The following TAF4B variants were observed in gnomAD, a reference collection of about 807,000 sequenced individuals.
TAF4B encodes transcription initiation factor TFIID subunit 4B.
TAF4B carries 38 observed loss-of-function variants against 86.4 expected under a neutral mutation model. The observed-to-expected ratio is 0.44, with a 90% confidence interval of 0.34 to 0.58. The LOEUF is 0.58. Among genes scored for constraint, TAF4B ranks in the 20% least tolerant of loss-of-function variants. The probability of loss-of-function intolerance (pLI) is 0.02; values close to 1 mark genes in which losing one functional copy is unlikely to be tolerated. For synonymous variants in TAF4B, 388 were observed against 391.2 expected (o/e 0.99, Z 0.10); for missense variants, 988 against 1,027.6 (o/e 0.96, Z 0.53).
intron 13 of TAF4B, among the ~76,000 whole-genome samples, chr18:26,346,883 A>G (rs71368655): frequency 0.064 from 495 of 7,720 alleles, 65 homozygotes; most frequent in East Asian, 0.17. Flanking sequence ...ATGTGTATAT[A>G]TATATATATA....
intron 13 of TAF4B, among the ~76,000 whole-genome samples, chr18:26,355,338 C>G (rs1249306850): frequency 1.3e-5 from 2 of 152,176 alleles, no homozygotes; most frequent in African/African-American, 2.4e-5. Context: ...CATCCTGTTT[C>G]CACAGGCAAG....
At chr18:26,326,971 G>GC (rs769066202) in intron 11 of TAF4B, 44 bp from the exon 12 acceptor site, 1 of 1,594,234 alleles carries the variant, frequency 6.3e-7, no homozygotes. Flanking sequence ...AGAATGTGTG[G>GC]CCCAGGATCA....
chr18:26,298,254 T>G (rs775404504), intron 9 of TAF4B, among the ~76,000 whole-genome samples: 1 of 151,984 alleles, frequency 6.6e-6, no homozygotes, highest in East Asian at 1.9e-4. Context: ...AGAGTCTTGC[T>G]CTGTCACGCA....
At chr18:26,291,391 G>A (rs12957038) in intron 7 of TAF4B, among the ~76,000 whole-genome samples, 1 of 151,782 alleles carries the variant, frequency 6.6e-6, no homozygotes, top group African/African-American at 2.4e-5. Flanking sequence ...CTTTAGACCG[G>A]GCGTGGTGGC....
intron 13 of TAF4B, among the ~76,000 whole-genome samples, chr18:26,343,022 A>G (rs1321467943): frequency 2.0e-5 from 3 of 152,258 alleles, no homozygotes; most frequent in African/African-American, 7.2e-5. Flanking sequence ...GAATACAACT[A>G]TAAAACCTGA....
intron 9 of TAF4B, among the ~76,000 whole-genome samples, chr18:26,294,042 T>A (rs141312214): frequency 0.01 from 1,571 of 152,270 alleles, 37 homozygotes; most frequent in African/African-American, 0.036. Context: ...TCTTTTTCAC[T>A]ATTGATGGAC....
intron 14 of TAF4B, among the ~76,000 whole-genome samples, chr18:26,378,246 C>T (rs1430165224): frequency 6.6e-6 from 1 of 152,120 alleles, no homozygotes; most frequent in Non-Finnish European, 1.5e-5. Flanking sequence ...ACCCAAAATT[C>T]TAATAATATC....
chr18:26,230,837 T>C (rs1006383081), intron 1 of TAF4B, among the ~76,000 whole-genome samples: 2 of 152,114 alleles, frequency 1.3e-5, no homozygotes, highest in Non-Finnish European at 2.9e-5. Context: ...TATTTGAATG[T>C]AGGCATATAT....
intron 14 of TAF4B, among the ~76,000 whole-genome samples, chr18:26,377,932 TTAAG>T (rs1177915702): frequency 7.2e-5 from 11 of 152,312 alleles, no homozygotes; most frequent in African/African-American, 2.6e-4. Context: ...TCCTTGGAAG[TTAAG>T]TAAGTAAAGG....
rs1028702283 is a variant in TAF4B at position 26,256,283 on chromosome 18, A to G, written c.344-8887A>G. 1.4e-5 allele frequency: 21 copies of G among 1,464,424 alleles called. No homozygotes were observed. The African/African-American group carries it at 2.4e-4, about 17-fold the overall frequency. 90.7% of individuals were successfully genotyped at this position (1,464,424 alleles called of 1,614,324 possible). A position where few individuals can be genotyped will look rare whatever the true frequency, so the allele number is the denominator to read the frequency against. Reference sequence around the variant, plus strand: ...AGCGTTTACTGTCAGTGAATCGAGAACTAGAGGACTTAGCTCTGCAAATAC... The same window carrying G: ...AGCGTTTACTGTCAGTGAATCGAGAGCTAGAGGACTTAGCTCTGCAAATAC... On this transcript the variant is annotated intron_variant, in intron 1 of 14. Coordinates refer to ENST00000269142, the MANE Select transcript of TAF4B (RefSeq NM_005640.3).
At chr18:26,352,784 A>T (rs1029862863) in intron 13 of TAF4B, among the ~76,000 whole-genome samples, 2 of 152,156 alleles carry the variant, frequency 1.3e-5, no homozygotes, top group African/African-American at 4.8e-5. Context: ...CCAAAAGCAA[A>T]TATAACAAAT....
At chr18:26,343,350 C>G (rs887143145) in intron 13 of TAF4B, among the ~76,000 whole-genome samples, 7 of 152,202 alleles carry the variant, frequency 4.6e-5, no homozygotes, top group Non-Finnish European at 1.0e-4. Flanking sequence ...TACTCCTGAA[C>G]TATACATTTG....
At chr18:26,227,608 G>T (rs936382785) in intron 1 of TAF4B, among the ~76,000 whole-genome samples, 1 of 152,144 alleles carries the variant, frequency 6.6e-6, no homozygotes, top group African/African-American at 2.4e-5. Context: ...ATTTCCATAC[G>T]CTTAGATTAT....
chr18:26,356,509 C>T (rs932170053), intron 13 of TAF4B, among the ~76,000 whole-genome samples: 1 of 152,110 alleles, frequency 6.6e-6, no homozygotes, highest in Admixed American at 6.5e-5. Context: ...TTGTTTTCAA[C>T]CTGCTCTATT....
chr18:26,274,073 T>TGCTA (rs2056353497), intron 3 of TAF4B, among the ~76,000 whole-genome samples: 1 of 152,184 alleles, frequency 6.6e-6, no homozygotes, highest in African/African-American at 2.4e-5. Flanking sequence ...CTGTAGGTGA[T>TGCTA]GCTAGCTAGA....
chr18:26,276,200 T>A (rs1333685170), intron 5 of TAF4B, among the ~76,000 whole-genome samples: 1 of 152,028 alleles, frequency 6.6e-6, no homozygotes, highest in Non-Finnish European at 1.5e-5. Context: ...ATCTTGCAGA[T>A]GAGAATGTTA....
intron 12 of TAF4B, among the ~76,000 whole-genome samples, chr18:26,328,858 C>T (rs985971661): frequency 3.9e-5 from 6 of 151,938 alleles, no homozygotes; most frequent in African/African-American, 7.3e-5. Context: ...GAGCTTGATC[C>T]GCCCACCTCA....
intron 14 of TAF4B, among the ~76,000 whole-genome samples, chr18:26,369,775 T>G (rs960860055): frequency 6.6e-6 from 1 of 152,206 alleles, no homozygotes; most frequent in Non-Finnish European, 1.5e-5. Context: ...CATGGCCAAA[T>G]CTCTGGTAAT....
At chr18:26,254,494 G>A (rs2056053204) in intron 1 of TAF4B, among the ~76,000 whole-genome samples, 1 of 152,134 alleles carries the variant, frequency 6.6e-6, no homozygotes, top group South Asian at 2.1e-4. Context: ...GAACTGAATT[G>A]TGCAGATTTT....
Sources: allele counts gnomAD v4.1 joint callset (sites outside exome capture counted in the v4.1 genomes callset), GRCh38; gene constraint gnomAD v4.1.1; transcripts MANE v1.5; gene names NCBI Gene and HGNC (gene_info 2026-07-23, HGNC 2026-07-21).